Variants in FGF7 observed in about 807,000 individuals in gnomAD.
FGF7 encodes the protein FGF-7.
A neutral mutation model predicts 20.5 loss-of-function variants in FGF7; 6 were observed. That is an observed-to-expected ratio of 0.29 (90% confidence interval 0.16 to 0.58). FGF7 has a LOEUF of 0.58. Ranked by LOEUF, FGF7 falls within the 20% of genes least tolerant of loss-of-function variation. FGF7 has a pLI of 0.90. For missense variants in FGF7, 144 were observed against 228.8 expected (o/e 0.63, Z 2.39); for synonymous variants, 64 against 74.7 (o/e 0.86, Z 0.74).
At chr15:49,462,897 C>G (rs898614921) in intron 2 of FGF7, among the ~76,000 whole-genome samples, 1 of 152,036 alleles carries the variant, frequency 6.6e-6, no homozygotes, top group Admixed American at 6.6e-5. Context: ...TTCTCTAGGT[C>G]CTAAGGCACT....
intron 2 of FGF7, among the ~76,000 whole-genome samples, chr15:49,454,618 T>TAAA (rs2053096114): frequency 1.3e-5 from 2 of 152,344 alleles, no homozygotes; most frequent in Admixed American, 1.3e-4. Context: ...ATTTTTTATA[T>TAAA]TATTTTTTTG....
At chr15:49,443,556 T>C (rs2051881768) in intron 2 of FGF7, among the ~76,000 whole-genome samples, 1 of 151,760 alleles carries the variant, frequency 6.6e-6, no homozygotes. Flanking sequence ...TCTATAACTG[T>C]TTCATTGTGA....
chr15:49,483,388 T>C lies in FGF7; in HGVS notation c.390+134T>C. Reference sequence around the variant, plus strand: ...TTAATGATTTTATTAAAACACTTTATACTCAAACGTTAAGAAAAAATGTTT... The same window carrying C: ...TTAATGATTTTATTAAAACACTTTACACTCAAACGTTAAGAAAAAATGTTT... On this transcript the variant is annotated intron_variant, in intron 3 of 3. Transcript: ENST00000267843. The C allele has an allele frequency of 8.7e-6, 5 of 577,362 alleles. 1 individual carries two copies. In the South Asian group the frequency reaches 1.1e-4, roughly 13 times the overall value. The allele number at this position is 577,362 out of a possible 1,614,324, so 35.8% of individuals were successfully genotyped here. A position where few individuals can be genotyped will look rare whatever the true frequency, so the allele number is the denominator to read the frequency against.
At chr15:49,425,826 A>T (rs1207660683) in intron 2 of FGF7, among the ~76,000 whole-genome samples, 1 of 151,736 alleles carries the variant, frequency 6.6e-6, no homozygotes, top group Non-Finnish European at 1.5e-5. Flanking sequence ...TATTATTATT[A>T]CTGAGATTAA....
At chr15:49,439,595 G>A (rs1401742635) in intron 2 of FGF7, among the ~76,000 whole-genome samples, 1 of 151,692 alleles carries the variant, frequency 6.6e-6, no homozygotes, top group Non-Finnish European at 1.5e-5. Flanking sequence ...AACAATAGAA[G>A]AGAAACAGAG....
At chr15:49,439,465 A>T (rs575700067) in intron 2 of FGF7, among the ~76,000 whole-genome samples, 46 of 151,922 alleles carry the variant, frequency 3.0e-4, no homozygotes, top group African/African-American at 1.1e-3. Context: ...TGAATAGTGA[A>T]TACTAAGTGT....
At chr15:49,444,803 C>A (rs2151854649) in intron 2 of FGF7, among the ~76,000 whole-genome samples, 1 of 151,754 alleles carries the variant, frequency 6.6e-6, no homozygotes, top group East Asian at 1.9e-4. Flanking sequence ...TTTAAGCCAT[C>A]TTGAATCAAT....
Sources: allele counts gnomAD v4.1 joint callset (sites outside exome capture counted in the v4.1 genomes callset), GRCh38; gene constraint gnomAD v4.1.1; transcripts MANE v1.5; gene names NCBI Gene and HGNC (gene_info 2026-07-23, HGNC 2026-07-21).